Variants in RBFOX3 observed in about 807,000 individuals in gnomAD.
The protein encoded by RBFOX3 is RNA binding protein fox-1 homolog 3.
A neutral mutation model predicts 48.7 loss-of-function variants in RBFOX3; 17 were observed. The ratio of observed to expected loss-of-function variants is 0.35; its 90% CI spans 0.24 to 0.52. The LOEUF (loss-of-function observed/expected upper bound fraction) is 0.52, where lower values mean the gene tolerates loss of function less well. Ranked by LOEUF, RBFOX3 falls within the 20% of genes least tolerant of loss-of-function variation. The pLI is 0.94. For missense variants in RBFOX3, 382 were observed against 497.5 expected (o/e 0.77, Z 2.21); for synonymous variants, 212 against 209.5 (o/e 1.01, Z -0.10).
intron 2 of RBFOX3, among the ~76,000 whole-genome samples, chr17:79,438,885 A>G (rs1386262977): frequency 6.6e-6 from 1 of 152,240 alleles, no homozygotes; most frequent in African/African-American, 2.4e-5. Flanking sequence ...AGAGAAAATG[A>G]GTTCTGGGTG....
intron 2 of RBFOX3, among the ~76,000 whole-genome samples, chr17:79,330,032 T>C (rs538839357): frequency 6.6e-6 from 1 of 152,288 alleles, no homozygotes; most frequent in East Asian, 1.9e-4. Flanking sequence ...CTCTCAGCTC[T>C]CCATTCAGAG....
chr17:79,595,624 C>A (rs2093549976), intron 1 of RBFOX3, among the ~76,000 whole-genome samples: 2 of 152,150 alleles, frequency 1.3e-5, no homozygotes, highest in Non-Finnish European at 2.9e-5. Flanking sequence ...AGCGGGGAGA[C>A]CTGTGGGAAG....
chr17:79,528,877 G>A (rs910835976), intron 1 of RBFOX3, among the ~76,000 whole-genome samples: 131 of 152,168 alleles, frequency 8.6e-4, no homozygotes, highest in Non-Finnish European at 1.6e-3. Flanking sequence ...CCATCTCACA[G>A]GTGCTGTTGT....
chr17:79,265,054 T>C (rs1256562801), intron 3 of RBFOX3, among the ~76,000 whole-genome samples: 1 of 152,022 alleles, frequency 6.6e-6, no homozygotes, highest in Non-Finnish European at 1.5e-5. Context: ...CCAAGCAGAC[T>C]TTCCACCACC....
chr17:79,125,389 C>A (rs1312170172), intron 4 of RBFOX3, among the ~76,000 whole-genome samples: 1 of 152,230 alleles, frequency 6.6e-6, no homozygotes, highest in Non-Finnish European at 1.5e-5. Context: ...CGGGCAGAAG[C>A]ACCCTCCATC....
At chr17:79,200,903 C>T (rs2056649786) in intron 4 of RBFOX3, among the ~76,000 whole-genome samples, 1 of 152,050 alleles carries the variant, frequency 6.6e-6, no homozygotes. Flanking sequence ...CCTGCGTCCT[C>T]GTCTCTGTGT....
chr17:79,544,142 A>C (rs1297509471), intron 1 of RBFOX3, among the ~76,000 whole-genome samples: 1 of 152,176 alleles, frequency 6.6e-6, no homozygotes, highest in Non-Finnish European at 1.5e-5. Context: ...TCTGTGTTGC[A>C]AGAGAGGAAA....
chr17:79,618,062 C>T, the RBFOX3 span, among the ~76,000 whole-genome samples: 4 of 152,332 alleles, frequency 2.6e-5, no homozygotes, highest in South Asian at 2.1e-4. Flanking sequence ...GCACGCCGTC[C>T]GTCTCTCCTC....
intron 2 of RBFOX3, among the ~76,000 whole-genome samples, chr17:79,381,034 G>A (rs529074941): frequency 4.6e-5 from 7 of 152,262 alleles, no homozygotes; most frequent in African/African-American, 1.7e-4. Flanking sequence ...GGCTGAGGTG[G>A]GCGAATCATG....
intron 1 of RBFOX3, among the ~76,000 whole-genome samples, chr17:79,501,420 AAAG>A (rs2082369397): frequency 6.6e-6 from 1 of 152,194 alleles, no homozygotes; most frequent in Non-Finnish European, 1.5e-5. Context: ...CACAGCTACC[AAAG>A]AAGAGATGTC....
At chr17:79,513,337 A>T (rs1203425920) in intron 1 of RBFOX3, among the ~76,000 whole-genome samples, 2 of 152,164 alleles carry the variant, frequency 1.3e-5, no homozygotes, top group Non-Finnish European at 2.9e-5. Flanking sequence ...ACATGTTACC[A>T]CCAGGCATGG....
Position 79,475,784 on chromosome 17 carries a change from C to T in RBFOX3, c.-175+6670G>A, listed in dbSNP as rs963713236. ...ATGATGGAGGCAGAGACTGGACTGA[C>T]AGTGCATCTATAAGCCAAGGCCCAC... On this transcript the variant is annotated intron_variant, in intron 2 of 14. Transcript: ENST00000693108. 2.4e-3 allele frequency among the ~76,000 whole-genome samples: 365 copies of T among 152,270 alleles called. 1 individual carries two copies. Among genetic ancestry groups the T allele is most frequent in the African/African-American group, 7.9e-3 (330 of 41,544 alleles).
chr17:79,483,449 T>TG (rs2079057727), intron 1 of RBFOX3, among the ~76,000 whole-genome samples: 1 of 128,360 alleles, frequency 7.8e-6, no homozygotes, highest in Non-Finnish European at 1.6e-5. Flanking sequence ...CCTCCCTCCC[T>TG]CCCTCCCTCC....
chr17:79,215,022 G>A (rs1338517292), intron 4 of RBFOX3, among the ~76,000 whole-genome samples: 1 of 152,206 alleles, frequency 6.6e-6, no homozygotes. Flanking sequence ...AAGACCCAGC[G>A]GCTGCAGGGC....
intron 1 of RBFOX3, among the ~76,000 whole-genome samples, chr17:79,501,624 G>A (rs1568351807): frequency 1.3e-5 from 2 of 152,302 alleles, no homozygotes; most frequent in East Asian, 1.9e-4. Flanking sequence ...TGTGGCAGAC[G>A]CCATGCCAAT....
chr17:79,647,828 C>A, the RBFOX3 span, among the ~76,000 whole-genome samples: 7 of 152,338 alleles, frequency 4.6e-5, no homozygotes, highest in Admixed American at 4.6e-4. Context: ...CCAACTCACA[C>A]CTGTCTCCCA....
chr17:79,331,873 G>C (rs1396664130), intron 2 of RBFOX3, among the ~76,000 whole-genome samples: 1 of 152,236 alleles, frequency 6.6e-6, no homozygotes, highest in Non-Finnish European at 1.5e-5. Flanking sequence ...GAAGCACGGA[G>C]GGTCCCGACC....
intron 2 of RBFOX3, among the ~76,000 whole-genome samples, chr17:79,444,036 C>T (rs1203277957): frequency 6.6e-6 from 1 of 152,190 alleles, no homozygotes; most frequent in African/African-American, 2.4e-5. Flanking sequence ...AGCTCATACC[C>T]TGGCAGGCCC....
At chr17:79,426,438 C>CA (rs2067392515) in intron 2 of RBFOX3, among the ~76,000 whole-genome samples, 1 of 152,176 alleles carries the variant, frequency 6.6e-6, no homozygotes, top group Non-Finnish European at 1.5e-5. Context: ...GAAGAGACAA[C>CA]GGCAGGCAGG....
Sources: gnomAD v4.1 joint callset for allele counts (sites outside exome capture counted in the v4.1 genomes callset) on GRCh38, gnomAD v4.1.1 for gene constraint, MANE v1.5 for transcripts, NCBI Gene and HGNC (gene_info 2026-07-23, HGNC 2026-07-21) for gene names.